The following INPP4B variants were observed in gnomAD, a reference collection of about 807,000 sequenced individuals.
INPP4B encodes the protein inositol polyphosphate-4-phosphatase type II B.
INPP4B carries 55 observed loss-of-function variants against 122.5 expected under a neutral mutation model. That is an observed-to-expected ratio of 0.45 (90% CI 0.36 to 0.56). INPP4B has a LOEUF of 0.56. INPP4B is among the 20% of genes least tolerant of loss of function. The pLI is 0.00. For missense variants in INPP4B, 1,000 were observed against 1,097.7 expected (o/e 0.91, Z 1.26); for synonymous variants, 403 against 388.7 (o/e 1.04, Z -0.43).
intron 2 of INPP4B, among the ~76,000 whole-genome samples, chr4:142,531,458 A>G (rs180993671): frequency 1.1e-4 from 16 of 152,170 alleles, no homozygotes; most frequent in African/African-American, 3.9e-4. Flanking sequence ...TAATCAAAAC[A>G]TGCTTATCTA....
At chr4:142,739,197 C>A (rs1336392146) in intron 1 of INPP4B, among the ~76,000 whole-genome samples, 1 of 152,022 alleles carries the variant, frequency 6.6e-6, no homozygotes, top group Non-Finnish European at 1.5e-5. Context: ...AGGCAAAATT[C>A]TATGTTGGTA....
intron 25 of INPP4B, among the ~76,000 whole-genome samples, chr4:142,039,872 A>G (rs1578691165): frequency 6.6e-6 from 1 of 152,232 alleles, no homozygotes; most frequent in East Asian, 1.9e-4. Flanking sequence ...AATTTTTGAT[A>G]TATCAATTTT....
At chr4:142,557,947 G>A (rs993047280) in intron 2 of INPP4B, among the ~76,000 whole-genome samples, 3 of 152,152 alleles carry the variant, frequency 2.0e-5, no homozygotes, top group African/African-American at 7.2e-5. Flanking sequence ...ACTGTTCAAC[G>A]ACAAAGTCAA....
intron 12 of INPP4B, among the ~76,000 whole-genome samples, chr4:142,236,318 A>C (rs1215358753): frequency 6.6e-6 from 1 of 152,196 alleles, no homozygotes; most frequent in East Asian, 1.9e-4. Flanking sequence ...CTACTGTAAT[A>C]CATAAGCTTG....
chr4:142,090,303 T>A (rs112162275), intron 23 of INPP4B, among the ~76,000 whole-genome samples: 5 of 151,736 alleles, frequency 3.3e-5, no homozygotes, highest in African/African-American at 1.2e-4. Context: ...ATTTTTTTTT[T>A]AACATTTTTA....
chr4:142,122,139 T>C lies in INPP4B; in HGVS notation c.2124A>G (p.Ile708Met). 1 of 1,607,934 alleles carries C rather than the reference T, an allele frequency of 6.2e-7. No homozygotes were observed. The highest frequency in any genetic ancestry group is 8.5e-7 in the Non-Finnish European group (1 of 1,175,944). The change falls in exon 21 of 26, where the codon ATA (isoleucine) becomes ATG (methionine). Residue 708 changes from isoleucine (I) to methionine (M), a missense_variant. By Grantham distance (10) the Ile-to-Met change is conservative. Transcript: ENST00000262992. The part of the protein sequence containing the change: ...EAKSNDVLPV[I>M]TGRREHYVVE... ...TGAGCACTGCTTACCGTCTTCCTGT[T>C]ATAACTGGCAACACATCATTGGATT... is the stretch of plus-strand genomic sequence containing the variant.
At chr4:142,593,140 T>C (rs1005734758) in intron 2 of INPP4B, among the ~76,000 whole-genome samples, 7 of 151,806 alleles carry the variant, frequency 4.6e-5, no homozygotes, top group Admixed American at 3.3e-4. Context: ...AATTAAATTA[T>C]GAAAGGGAGG....
intron 3 of INPP4B, among the ~76,000 whole-genome samples, chr4:142,452,843 A>G (rs902909262): frequency 2.0e-5 from 3 of 152,168 alleles, no homozygotes; most frequent in African/African-American, 7.2e-5. Flanking sequence ...CTACTTAACA[A>G]AATATTGTGA....
intron 1 of INPP4B, among the ~76,000 whole-genome samples, chr4:142,768,575 A>G (rs1158378717): frequency 1.3e-5 from 2 of 152,200 alleles, no homozygotes; most frequent in African/African-American, 4.8e-5. Context: ...CATTGACTGT[A>G]TTATCTACCT....
chr4:142,063,230 T>G (rs1761918094), intron 25 of INPP4B, among the ~76,000 whole-genome samples: 1 of 152,064 alleles, frequency 6.6e-6, no homozygotes, highest in Non-Finnish European at 1.5e-5. Context: ...GTGGAAACAG[T>G]CCACATGATC....
At chr4:142,100,444 T>C (rs1032364486) in intron 23 of INPP4B, among the ~76,000 whole-genome samples, 4 of 152,166 alleles carry the variant, frequency 2.6e-5, no homozygotes, top group African/African-American at 9.7e-5. Flanking sequence ...ACTACCTTTG[T>C]CCTTTTAGCA....
chr4:142,582,929 C>T (rs1387373076), intron 2 of INPP4B, among the ~76,000 whole-genome samples: 1 of 152,106 alleles, frequency 6.6e-6, no homozygotes, highest in Non-Finnish European at 1.5e-5. Flanking sequence ...TGATGCTCAA[C>T]CAATGTATAA....
At chr4:142,223,147 G>T (rs939380016) in intron 12 of INPP4B, among the ~76,000 whole-genome samples, 2 of 151,848 alleles carry the variant, frequency 1.3e-5, no homozygotes, top group African/African-American at 4.8e-5. Context: ...GTGGCTTTGG[G>T]GCAGCCAGGT....
Position 142,193,093 on chromosome 4 carries a change from C to T in INPP4B, c.1175G>A (p.Arg392Lys), listed in dbSNP as rs752296792. The T allele has an allele frequency of 2.5e-6, 4 of 1,592,762 alleles. No individual in the cohort carries two copies. In the South Asian group the frequency reaches 4.4e-5, roughly 18 times the overall value. ...RKLLHRFETE[R>K]RNTGYQFIYY... ...TCCTCCTGTCTTTACTTACTTTCTT[C>T]TTTCTGTTTCAAATCTATGGAGTAG... Residue 392 changes from arginine (R) to lysine (K), a missense_variant, in exon 15 of 26, where the codon AGA becomes AAA. Arg to Lys is a conservative substitution (Grantham distance 26). Coordinates refer to ENST00000262992, the MANE Select transcript of INPP4B (RefSeq NM_001101669.3).
rs953929772 is a variant in INPP4B, at chr4:142,025,547, A to G, written c.*3235T>C. ...CACCAGTGGTATTGTGTCTCTTGGT[A>G]CACTATCAACTTTTACATAGGGAGA... On this transcript the variant is annotated 3_prime_UTR_variant, in exon 26 of 26. Transcript: ENST00000262992. 4.1e-4 allele frequency: 63 copies of G among 152,288 alleles called. No individual in the cohort carries two copies. The highest frequency in any genetic ancestry group is 1.5e-3 in the African/African-American group (61 of 41,572). The allele number at this position is 152,288 out of a possible 1,614,324, so 9.4% of individuals were successfully genotyped here.
At chr4:142,770,888 C>T (rs1235018629) in intron 1 of INPP4B, among the ~76,000 whole-genome samples, 2 of 152,036 alleles carry the variant, frequency 1.3e-5, no homozygotes, top group Non-Finnish European at 2.9e-5. Flanking sequence ...AGGATCCAGC[C>T]GTCTAGACAG....
rs778569331 is a variant in INPP4B at position 142,028,863 on chromosome 4, A to G, written c.2694T>C (p.Tyr898=). 2 of 1,613,608 alleles carry G rather than the reference A, an allele frequency of 1.2e-6. No homozygotes were observed. Among genetic ancestry groups the G allele is most frequent in the South Asian group, 2.2e-5 (2 of 91,050 alleles). ...NVLKNIKCRK[Y]AFNMLQLMAF... ...CCATCAGCTGTAGCATGTTGAAAGC[A>G]TACTTTCTGCATTTGATATTCTTCA... is the stretch of plus-strand genomic sequence containing the variant. Residue 898 remains tyrosine (Y), a synonymous_variant, in exon 26 of 26, where the codon TAT becomes TAC. Coordinates refer to ENST00000262992, the MANE Select transcript of INPP4B (RefSeq NM_001101669.3).
At chr4:142,505,257 A>G (rs987880595) in intron 2 of INPP4B, among the ~76,000 whole-genome samples, 2 of 151,654 alleles carry the variant, frequency 1.3e-5, no homozygotes, top group African/African-American at 4.8e-5. Context: ...AAAAAAAAAG[A>G]AAACTGTGCA....
At chr4:142,543,135 C>T (rs1199249160) in intron 2 of INPP4B, among the ~76,000 whole-genome samples, 1 of 152,118 alleles carries the variant, frequency 6.6e-6, no homozygotes, top group Non-Finnish European at 1.5e-5. Flanking sequence ...ACCTTGTTTA[C>T]ACATACAAAT....
Sources: gnomAD v4.1 joint callset for allele counts (sites outside exome capture counted in the v4.1 genomes callset) on GRCh38, gnomAD v4.1.1 for gene constraint, MANE v1.5 for transcripts, NCBI Gene and HGNC (gene_info 2026-07-23, HGNC 2026-07-21) for gene names.